Variants in ADAM7 observed in about 807,000 individuals in gnomAD.
The protein encoded by ADAM7 is disintegrin and metalloproteinase domain-containing protein 7.
ADAM7 carries 97 observed loss-of-function variants against 102.9 expected under a neutral mutation model. That is an observed-to-expected ratio of 0.94 (90% confidence interval 0.80 to 1.12). The LOEUF is 1.12. Ranked by LOEUF, ADAM7 falls within the 50% of genes most tolerant of loss-of-function variation. ADAM7 has a pLI of 0.00. For synonymous variants in ADAM7, 334 were observed against 304.4 expected (o/e 1.10, Z -1.01); for missense variants, 991 against 908.7 (o/e 1.09, Z -1.16).
At chr8:24,507,653 A>T in intron 21 of ADAM7, 118 bp downstream of exon 21, 1 of 778,280 alleles carries the variant, frequency 1.3e-6, no homozygotes, top group Non-Finnish European at 2.1e-6. Flanking sequence ...ATCACAACAG[A>T]TTAGGAAGGT....
rs1305817843 is a variant in ADAM7, at chr8:24,451,956, G to A, written c.233+4694G>A. Among the ~76,000 whole-genome samples, 13 of 151,840 alleles carry A rather than the reference G, an allele frequency of 8.6e-5. 1 individual carries two copies. The highest frequency in any genetic ancestry group is 2.7e-4 in the African/African-American group (11 of 41,416). On this transcript the variant is annotated intron_variant, in intron 3 of 21. Coordinates refer to ENST00000175238, the MANE Select transcript of ADAM7 (RefSeq NM_003817.4). ...TTGTTCAGTTTCCATGTAGTTGAGC[G>A]GTTTTGAGTGAGTTTCTTAATCCTG...
chr8:24,509,189 A>C lies in ADAM7; in HGVS notation c.*643A>C, dbSNP rs1821040181. The C allele has an allele frequency of 3.0e-6, 3 of 985,174 alleles. No homozygotes were observed. Among genetic ancestry groups the C allele is most frequent in the Non-Finnish European group, 3.6e-6 (3 of 829,978 alleles). 61.0% of individuals were successfully genotyped at this position (985,174 alleles called of 1,614,324 possible). A position where few individuals can be genotyped will look rare whatever the true frequency, so the allele number is the denominator to read the frequency against. On this transcript the variant is annotated 3_prime_UTR_variant, in exon 22 of 22. Coordinates refer to ENST00000175238, the MANE Select transcript of ADAM7 (RefSeq NM_003817.4). ...TAGGTTTGCCTTTCTAGAATTCCTT[A>C]AGAAGCTGACAGAGAAATCAGAGGG...
In ADAM7 at chr8:24,477,297, G is replaced by A. The variant is rs28498321; in HGVS notation, c.705+793G>A. Among the ~76,000 whole-genome samples, 765 of 152,148 alleles carry A rather than the reference G, an allele frequency of 5.0e-3. 8 individuals are homozygous for A. The highest frequency in any genetic ancestry group is 0.018 in the African/African-American group (728 of 41,500). On this transcript the variant is annotated intron_variant, in intron 8 of 21. Coordinates refer to ENST00000175238, the MANE Select transcript of ADAM7 (RefSeq NM_003817.4). ...TCTTTGAAAGAAAGTTACTATGCAC[G>A]GCTCACACTTCAGTGGAAATTATGC...
intron 8 of ADAM7, among the ~76,000 whole-genome samples, chr8:24,479,203 T>G (rs1366727597): frequency 6.6e-6 from 1 of 152,102 alleles, no homozygotes; most frequent in Non-Finnish European, 1.5e-5. Context: ...CCAGAGCATG[T>G]TCTATCATCC....
intron 3 of ADAM7, among the ~76,000 whole-genome samples, chr8:24,456,871 TGTTTTCA>T (rs1364766123): frequency 6.6e-6 from 1 of 152,230 alleles, no homozygotes; most frequent in Admixed American, 6.5e-5. Flanking sequence ...ACATGTGGGC[TGTTTTCA>T]GTGTTTGGCT....
intron 8 of ADAM7, among the ~76,000 whole-genome samples, chr8:24,480,037 C>T (rs1414241239): frequency 1.3e-5 from 2 of 152,106 alleles, no homozygotes; most frequent in Non-Finnish European, 2.9e-5. Context: ...TGAAAATTTC[C>T]CCCATGCCTT....
intron 2 of ADAM7, among the ~76,000 whole-genome samples, chr8:24,444,858 T>G (rs1036134477): frequency 1.3e-5 from 2 of 152,098 alleles, no homozygotes; most frequent in Non-Finnish European, 2.9e-5. Flanking sequence ...AGTTTATGAA[T>G]CTGGGCTTAT....
At position 24,442,491 on chromosome 8, in the gene ADAM7, T is replaced by G. The variant is rs1421158662; in HGVS notation, c.71T>G (p.Val24Gly). The change falls in exon 2 of 22, where the codon GTA becomes GGA. Residue 24 changes from valine (V) to glycine (G), a missense_variant. By Grantham distance (109) the Val-to-Gly change is moderately radical (BLOSUM62 -3). Transcript: ENST00000175238. ...PQVKEKFILG[V>G]EGQQLVRPKK... is the part of the protein sequence containing the mutation. ...CTCGTAGAAAAGTTCATCCTTGGAG[T>G]AGAGGGTCAACAACTGGTTCGTCCT... 2 of 1,613,690 alleles carry G rather than the reference T, an allele frequency of 1.2e-6. No individual in the cohort carries two copies. Among genetic ancestry groups the G allele is most frequent in the African/African-American group, 2.7e-5 (2 of 74,900 alleles).
chr8:24,459,497 C>T (rs1422326936), intron 3 of ADAM7, among the ~76,000 whole-genome samples: 1 of 151,820 alleles, frequency 6.6e-6, no homozygotes, highest in Non-Finnish European at 1.5e-5. Context: ...TACTGTATTT[C>T]CCAGGCTGGA....
intron 10 of ADAM7, 55 bp downstream of exon 10, chr8:24,485,416 T>C (rs1461281814): frequency 6.6e-7 from 1 of 1,517,562 alleles, no homozygotes; most frequent in Non-Finnish European, 9.1e-7. Context: ...ATTGTTGTAA[T>C]GTCCTGGGTT....
chr8:24,454,631 C>T (rs1818955096), intron 3 of ADAM7, among the ~76,000 whole-genome samples: 1 of 152,174 alleles, frequency 6.6e-6, no homozygotes, highest in Non-Finnish European at 1.5e-5. Context: ...CCTCGCCCTG[C>T]TTCTGCTCGT....
chr8:24,468,747 A>C lies in ADAM7; in HGVS notation c.580-20A>C. ...GAAAGTGTTAACTATACTTCAACTG[A>C]ATTTTCCCTAACTTTACAGGGCATC... On this transcript the variant is annotated intron_variant, in intron 6 of 21. Coordinates refer to ENST00000175238, the MANE Select transcript of ADAM7 (RefSeq NM_003817.4). The C allele has an allele frequency of 6.2e-7, 1 of 1,610,622 alleles. No homozygotes were observed.
At chr8:24,469,143 A>T (rs1242422093) in intron 7 of ADAM7, among the ~76,000 whole-genome samples, 1 of 152,218 alleles carries the variant, frequency 6.6e-6, no homozygotes, top group African/African-American at 2.4e-5. Context: ...ATGAAGAAGA[A>T]AATCTCTATC....
Position 24,489,142 on chromosome 8 carries a change from C to T in ADAM7, c.1092-17C>T, listed in dbSNP as rs749516361. The T allele has an allele frequency of 1.3e-6, 2 of 1,590,974 alleles. No homozygotes were observed. The highest frequency in any genetic ancestry group is 2.3e-5 in the South Asian group (2 of 87,116). On this transcript the variant is annotated splice_polypyrimidine_tract_variant and intron_variant, in intron 11 of 21. Coordinates refer to ENST00000175238, the MANE Select transcript of ADAM7 (RefSeq NM_003817.4). ...TTGATATGATTAATCTTTATTTTTA[C>T]CTCATTCTATCTCTAGCATTCCTGC...
rs541138331 is a variant in ADAM7, at chr8:24,469,743, G to T, written c.633+923G>T. Among the ~76,000 whole-genome samples, 5 of 152,200 alleles carry T rather than the reference G, an allele frequency of 3.3e-5. No individual in the cohort carries two copies. The South Asian group carries it at 1.0e-3, about 32-fold the overall frequency. ...AAATGAATTAAAATGACACTGAAAT[G>T]ACTAGAAAAGACTGGACAAAACAAC... is the stretch of plus-strand genomic sequence containing the variant. On this transcript the variant is annotated intron_variant, in intron 7 of 21. Transcript: ENST00000175238.
chr8:24,497,804 A>G (rs988427933), intron 16 of ADAM7, among the ~76,000 whole-genome samples: 1 of 152,186 alleles, frequency 6.6e-6, no homozygotes, highest in Non-Finnish European at 1.5e-5. Context: ...TGCCATAAGC[A>G]CAAAAGAGAA....
intron 20 of ADAM7, among the ~76,000 whole-genome samples, chr8:24,502,943 C>G (rs942402433): frequency 7.2e-5 from 11 of 152,056 alleles, no homozygotes; most frequent in African/African-American, 2.7e-4. Flanking sequence ...AACTAATACA[C>G]TAACAAATAT....
At chr8:24,495,645 A>T (rs960866760) in intron 16 of ADAM7, among the ~76,000 whole-genome samples, 5 of 152,182 alleles carry the variant, frequency 3.3e-5, no homozygotes, top group African/African-American at 1.2e-4. Flanking sequence ...AGGAGCAAAG[A>T]TGACTCTTGT....
chr8:24,481,017 G>T (rs1335248410), intron 8 of ADAM7, among the ~76,000 whole-genome samples: 2 of 152,208 alleles, frequency 1.3e-5, no homozygotes, highest in South Asian at 2.1e-4. Context: ...AGCTATGATT[G>T]CACCACTGCA....
Sources: gnomAD v4.1 joint callset for allele counts (sites outside exome capture counted in the v4.1 genomes callset) on GRCh38, gnomAD v4.1.1 for gene constraint, MANE v1.5 for transcripts, NCBI Gene and HGNC (gene_info 2026-07-23, HGNC 2026-07-21) for gene names.